Variants in ADGRA3 observed in about 807,000 individuals in gnomAD.
ADGRA3 encodes the protein adhesion G protein-coupled receptor A3, also known as G-protein coupled receptor 125.
Under a neutral mutation model 119.8 loss-of-function variants are expected in ADGRA3, and 56 were observed. That is an observed-to-expected ratio of 0.47 (90% CI 0.38 to 0.58). ADGRA3 has a LOEUF of 0.58. Ranked by LOEUF, ADGRA3 falls within the 20% of genes least tolerant of loss-of-function variation. ADGRA3 has a pLI of 0.00. For synonymous variants in ADGRA3, 607 were observed against 623.8 expected, an observed-to-expected ratio of 0.97 and a Z score of 0.40; for missense variants, 1,516 against 1,649.0, an observed-to-expected ratio of 0.92 and a Z score of 1.40.
chr4:22,412,180 C>A (rs1391713244), intron 14 of ADGRA3, among the ~76,000 whole-genome samples: 3 of 152,072 alleles, frequency 2.0e-5, no homozygotes, highest in Non-Finnish European at 4.4e-5. Context: ...CCCAGAGTAA[C>A]CTCAAACCAT....
intron 1 of ADGRA3, among the ~76,000 whole-genome samples, chr4:22,489,178 C>G (rs1409350608): frequency 6.6e-6 from 1 of 152,050 alleles, no homozygotes; most frequent in Admixed American, 6.6e-5. Context: ...GAATGAGAGC[C>G]AAGCAACACG....
chr4:22,500,358 A>G (rs907637645), intron 1 of ADGRA3, among the ~76,000 whole-genome samples: 2 of 152,230 alleles, frequency 1.3e-5, no homozygotes, highest in African/African-American at 2.4e-5. Flanking sequence ...TGTAAAATGT[A>G]GACAATACGG....
chr4:22,451,312 C>T (rs1355404236), intron 4 of ADGRA3, among the ~76,000 whole-genome samples: 4 of 151,742 alleles, frequency 2.6e-5, no homozygotes, highest in Non-Finnish European at 5.9e-5. Context: ...GATCTCCTGA[C>T]AGATTTTGGT....
chr4:22,440,435 A>G (rs182981503), intron 7 of ADGRA3, among the ~76,000 whole-genome samples: 164 of 152,236 alleles, frequency 1.1e-3, no homozygotes, highest in African/African-American at 3.7e-3. Context: ...GGAATCTCAG[A>G]TTAACCAATG....
At chr4:22,413,886 T>C (rs1713065576) in intron 12 of ADGRA3, 72 bp from the exon 13 acceptor site, 18 of 1,006,862 alleles carry the variant, frequency 1.8e-5, no homozygotes, top group African/African-American at 3.3e-5. Flanking sequence ...ATATGTCAGA[T>C]AGTTACAAAA....
chr4:22,478,327 T>G (rs574320109), intron 1 of ADGRA3: 1 of 152,270 alleles, frequency 6.6e-6, no homozygotes, highest in African/African-American at 2.4e-5. Flanking sequence ...TTAAGTAGTT[T>G]TAGAAGTTCT....
intron 12 of ADGRA3, chr4:22,414,210 G>T (rs1715339455): frequency 4.7e-6 from 1 of 211,352 alleles, no homozygotes; most frequent in Admixed American, 5.4e-5. Context: ...TCATAAATAT[G>T]AGTATAATTA....
At chr4:22,425,599 G>T (rs1344433372) in intron 10 of ADGRA3, among the ~76,000 whole-genome samples, 2 of 152,190 alleles carry the variant, frequency 1.3e-5, no homozygotes, top group African/African-American at 2.4e-5. Context: ...CAAGCTGGCT[G>T]GACCTCTAAT....
intron 12 of ADGRA3, chr4:22,414,096 T>TTA (rs1173935364): frequency 3.4e-6 from 1 of 294,386 alleles, no homozygotes; most frequent in African/African-American, 2.2e-5. Context: ...CCCATGATAT[T>TTA]ATATGTTGAA....
chr4:22,392,429 T>G (rs922272458), intron 17 of ADGRA3, 116 bp downstream of exon 17: 3 of 1,215,578 alleles, frequency 2.5e-6, no homozygotes, highest in African/African-American at 3.0e-5. Flanking sequence ...CAGGCAGTCC[T>G]GCATACAAGT....
Position 22,388,373 on chromosome 4 carries a change from T to G in ADGRA3, c.3298A>C (p.Asn1100His), listed in dbSNP as rs1713940131. ...TTTTTGAAGCTTGAAGCACTTTTGT[T>G]TGTGCATGAAGACTCCGCACTGCTA... ...PNSSAESSCT[N>H]KSASSFKNSS... Residue 1100 changes from asparagine to histidine, a missense_variant, in exon 19 of 19, where the codon AAC (asparagine) becomes CAC (histidine). Physicochemically the swap from Asn to His is moderately conservative, Grantham distance 68. Transcript: ENST00000334304. 1 of 1,613,896 alleles carries G rather than the reference T, an allele frequency of 6.2e-7. No homozygotes were observed. The highest frequency in any genetic ancestry group is 1.3e-5 in the African/African-American group (1 of 74,888).
chr4:22,516,045 T>C lies in ADGRA3; in HGVS notation c.-261A>G, dbSNP rs1560357834. The C allele has an allele frequency of 6.5e-6, 1 of 154,220 alleles. No homozygotes were observed. The highest frequency in any genetic ancestry group is 1.4e-5 in the Non-Finnish European group (1 of 71,924). 9.6% of individuals were successfully genotyped at this position (154,220 alleles called of 1,614,324 possible). A position where few individuals can be genotyped will look rare whatever the true frequency, so the allele number is the denominator to read the frequency against. ...CGAGCACCGCCTCCTCCTCCTCCTC[T>C]GCCGCCGCCGCCGCCGCCACTGCCT... is the stretch of plus-strand genomic sequence containing the variant. On this transcript the variant is annotated 5_prime_UTR_variant, in exon 1 of 19. Coordinates refer to ENST00000334304, the MANE Select transcript of ADGRA3 (RefSeq NM_145290.4).
intron 3 of ADGRA3, among the ~76,000 whole-genome samples, chr4:22,457,577 C>T (rs7676485): frequency 0.03 from 4,620 of 152,250 alleles, 118 homozygotes; most frequent in East Asian, 0.073. Context: ...TAAGCAAGAA[C>T]ACAAGAGACT....
chr4:22,477,186 A>C (rs1718079982), intron 1 of ADGRA3, among the ~76,000 whole-genome samples: 1 of 152,176 alleles, frequency 6.6e-6, no homozygotes, highest in African/African-American at 2.4e-5. Context: ...ATTTATATTC[A>C]ATAAATGTTT....
intron 12 of ADGRA3, chr4:22,414,016 CAG>C (rs1273086689): frequency 1.1e-5 from 5 of 437,340 alleles, no homozygotes; most frequent in Non-Finnish European, 1.6e-5. Context: ...AAGTATAAAA[CAG>C]AAATGCAAAC....
chr4:22,450,951 A>AAATAT (rs1329338329), intron 4 of ADGRA3, among the ~76,000 whole-genome samples: 75 of 122,794 alleles, frequency 6.1e-4, no homozygotes, highest in African/African-American at 2.2e-3. Context: ...AAAAAAAAAA[A>AAATAT]ATATATATAT....
At chr4:22,394,494 A>G (rs1363312390) in intron 16 of ADGRA3, 1 of 152,332 alleles carries the variant, frequency 6.6e-6, no homozygotes, top group East Asian at 1.9e-4. Flanking sequence ...GCATAAAATA[A>G]CCCTTTTGAG....
At chr4:22,469,534 G>A (rs1459889478) in intron 2 of ADGRA3, among the ~76,000 whole-genome samples, 1 of 152,130 alleles carries the variant, frequency 6.6e-6, no homozygotes. Context: ...TAAGTCCCTA[G>A]ACTCAAATTT....
intron 1 of ADGRA3, among the ~76,000 whole-genome samples, chr4:22,488,992 G>A (rs1386835157): frequency 2.6e-5 from 4 of 152,146 alleles, no homozygotes; most frequent in Non-Finnish European, 4.4e-5. Flanking sequence ...CAGGCACAGA[G>A]TTTATGTTGG....
Sources: allele counts gnomAD v4.1 joint callset (sites outside exome capture counted in the v4.1 genomes callset), GRCh38; gene constraint gnomAD v4.1.1; transcripts MANE v1.5; gene names NCBI Gene and HGNC (gene_info 2026-07-23, HGNC 2026-07-21).